Variants in CTNNA1 observed in about 807,000 individuals in gnomAD.
The protein encoded by CTNNA1 is catenin alpha-1.
CTNNA1 carries 37 observed loss-of-function variants against 98.4 expected under a neutral mutation model. The ratio of observed to expected loss-of-function variants is 0.38; its 90% CI spans 0.29 to 0.49. The LOEUF (loss-of-function observed/expected upper bound fraction) is 0.49, where lower values mean the gene tolerates loss of function less well. CTNNA1 is among the 20% of genes least tolerant of loss of function. The pLI is 0.95. For missense variants in CTNNA1, 761 were observed against 1,147.2 expected, an observed-to-expected ratio of 0.66 and a Z score of 4.86; for synonymous variants, 404 against 413.2, an observed-to-expected ratio of 0.98 and a Z score of 0.27.
At chr5:138,808,628 C>T (rs1358690756) in intron 3 of CTNNA1, among the ~76,000 whole-genome samples, 1 of 149,770 alleles carries the variant, frequency 6.7e-6, no homozygotes, top group Non-Finnish European at 1.5e-5. Flanking sequence ...GTTGTGCATC[C>T]AAAGATGATA....
intron 1 of CTNNA1, among the ~76,000 whole-genome samples, chr5:138,757,435 C>T (rs1751791058): frequency 6.6e-6 from 1 of 152,112 alleles, no homozygotes; most frequent in African/African-American, 2.4e-5. Context: ...TGCCCCTGCA[C>T]TCCAGCCTGG....
rs574641778 is a variant in CTNNA1 at position 138,824,030 on chromosome 5, CTGTT to C, written c.589-497_589-494del. On this transcript the variant is annotated intron_variant, in intron 5 of 17. Coordinates refer to ENST00000302763, the MANE Select transcript of CTNNA1 (RefSeq NM_001903.5). ...AATAATACTCATAATAAGTCTTACT[CTGTT>C]TGACTGTATCTCTTCATGATCTTTC... Among the ~76,000 whole-genome samples the C allele has an allele frequency of 6.6e-4, 97 of 147,104 alleles. No individual in the cohort carries two copies. In the Middle Eastern group the frequency reaches 0.011, roughly 17 times the overall value.
chr5:138,792,721 A>G (rs1329531124), intron 3 of CTNNA1, among the ~76,000 whole-genome samples: 3 of 152,252 alleles, frequency 2.0e-5, no homozygotes, highest in Non-Finnish European at 4.4e-5. Flanking sequence ...GAGAAAAATG[A>G]CAAGTGTTCC....
chr5:138,909,588 C>T (rs1474880216), intron 10 of CTNNA1, among the ~76,000 whole-genome samples: 2 of 152,142 alleles, frequency 1.3e-5, no homozygotes, highest in African/African-American at 4.8e-5. Flanking sequence ...ATCCTCCCAC[C>T]TGAGCCTCCC....
At position 138,874,345 on chromosome 5, in the gene CTNNA1, G is replaced by A. The variant is rs373483435; in HGVS notation, c.1063-11867G>A. The A allele has an allele frequency of 6.2e-6, 10 of 1,613,922 alleles. No individual in the cohort carries two copies. In the African/African-American group the frequency reaches 1.2e-4, roughly 19 times the overall value. ...ATTGATCTCTTTCGAGCTCTGTGAT[G>A]TGATTGTGCCTCAGGGACAGGCCCA... is the stretch of plus-strand genomic sequence containing the variant. On this transcript the variant is annotated intron_variant, in intron 7 of 17. Coordinates refer to ENST00000302763, the MANE Select transcript of CTNNA1 (RefSeq NM_001903.5). This position sits in a 1 kb window ranked among gnomAD's most constrained non-coding sequence, Gnocchi z 4.1.
At chr5:138,869,156 A>G (rs980088041) in intron 7 of CTNNA1, 1 of 148,554 alleles carries the variant, frequency 6.7e-6, no homozygotes, top group Non-Finnish European at 1.5e-5. Flanking sequence ...TTCACCAAAC[A>G]TTCCATATAT....
At chr5:138,766,714 T>G (rs1323101834) in intron 1 of CTNNA1, among the ~76,000 whole-genome samples, 2 of 151,818 alleles carry the variant, frequency 1.3e-5, no homozygotes, top group Non-Finnish European at 2.9e-5. Flanking sequence ...GGGAATGCAG[T>G]GGAGTATAGA....
intron 10 of CTNNA1, among the ~76,000 whole-genome samples, chr5:138,908,762 A>G (rs917603477): frequency 1.3e-5 from 2 of 152,018 alleles, no homozygotes; most frequent in Non-Finnish European, 2.9e-5. Flanking sequence ...GCGATTTGTT[A>G]TCATTAAGAA....
chr5:138,756,341 A>AT (rs1196795157), intron 1 of CTNNA1, among the ~76,000 whole-genome samples: 7 of 151,758 alleles, frequency 4.6e-5, no homozygotes, highest in Non-Finnish European at 1.0e-4. Flanking sequence ...TGATTTTTTA[A>AT]TTTTTAGCAG....
chr5:138,855,581 A>G (rs528046979), intron 7 of CTNNA1, among the ~76,000 whole-genome samples: 2 of 152,276 alleles, frequency 1.3e-5, no homozygotes, highest in South Asian at 4.1e-4. Context: ...CTGTTTTACC[A>G]GTGGTTTTTA....
intron 5 of CTNNA1, among the ~76,000 whole-genome samples, chr5:138,817,839 A>G (rs891966931): frequency 2.6e-5 from 4 of 151,650 alleles, no homozygotes; most frequent in African/African-American, 9.7e-5. Flanking sequence ...TGAATTTTCT[A>G]TTTGTATTTT....
chr5:138,776,038 T>G (rs1754097910), intron 1 of CTNNA1, among the ~76,000 whole-genome samples: 1 of 120,774 alleles, frequency 8.3e-6, no homozygotes, highest in Non-Finnish European at 1.7e-5. Flanking sequence ...TGGAAATGTT[T>G]CTTTTTTTTT....
intron 16 of CTNNA1, 40 bp downstream of exon 16, chr5:138,930,975 C>G: frequency 1.4e-6 from 2 of 1,383,572 alleles, no homozygotes; most frequent in Non-Finnish European, 2.1e-6. Flanking sequence ...CAAGCTCCTC[C>G]TGGGGCTCAG....
chr5:138,857,412 G>A lies in CTNNA1; in HGVS notation c.1063-28800G>A, dbSNP rs1026601914. On this transcript the variant is annotated intron_variant, in intron 7 of 17. Coordinates refer to ENST00000302763, the MANE Select transcript of CTNNA1 (RefSeq NM_001903.5). ...CTGGCTCTGGCCTTCTCTGTACCCA[G>A]CCATATTGAAATCCTGCTGTTCCTT... Among the ~76,000 whole-genome samples the A allele has an allele frequency of 1.3e-5, 2 of 152,072 alleles. 1 individual carries two copies. Among genetic ancestry groups the A allele is most frequent in the Admixed American group, 1.3e-4 (2 of 15,262 alleles).
chr5:138,930,340 C>A, intron 14 of CTNNA1, 133 bp from the exon 15 acceptor site: 1 of 663,878 alleles, frequency 1.5e-6, no homozygotes, highest in Non-Finnish European at 2.5e-6. Context: ...AATAGCCCTT[C>A]AGGCGAAATG....
chr5:138,816,676 T>G (rs147020158), intron 5 of CTNNA1, among the ~76,000 whole-genome samples: 134 of 152,304 alleles, frequency 8.8e-4, no homozygotes, highest in African/African-American at 3.2e-3. Flanking sequence ...GTATGTCTTC[T>G]TTTGAGAAAT....
intron 5 of CTNNA1, among the ~76,000 whole-genome samples, chr5:138,816,239 A>G (rs1759424567): frequency 6.6e-6 from 1 of 152,242 alleles, no homozygotes; most frequent in Admixed American, 6.5e-5. Context: ...TTAAATGGCT[A>G]AATAGTATTC....
chr5:138,886,995 C>G (rs1754204890), intron 8 of CTNNA1, among the ~76,000 whole-genome samples: 1 of 151,892 alleles, frequency 6.6e-6, no homozygotes, highest in South Asian at 2.1e-4. Flanking sequence ...ATTCAATTTC[C>G]TTTTGGTGAA....
intron 7 of CTNNA1, among the ~76,000 whole-genome samples, chr5:138,849,911 C>T (rs1438879760): frequency 6.6e-6 from 1 of 151,864 alleles, no homozygotes; most frequent in Non-Finnish European, 1.5e-5. Flanking sequence ...GCCTCTCATC[C>T]CTGTTACCTA....
Sources: allele counts gnomAD v4.1 joint callset (sites outside exome capture counted in the v4.1 genomes callset), GRCh38; gene constraint gnomAD v4.1.1; non-coding constraint Gnocchi (gnomAD v3.1); transcripts MANE v1.5; gene names NCBI Gene and HGNC (gene_info 2026-07-23, HGNC 2026-07-21).